The following TEC variants were observed in gnomAD, a reference collection of about 807,000 sequenced individuals.
TEC encodes tyrosine-protein kinase Tec.
A neutral mutation model predicts 93.0 loss-of-function variants in TEC; 72 were observed. The ratio of observed to expected loss-of-function variants is 0.77; its 90% CI spans 0.64 to 0.94. The LOEUF (loss-of-function observed/expected upper bound fraction) is 0.94, where lower values mean the gene tolerates loss of function less well. Ranked by LOEUF, TEC falls within the 40% of genes least tolerant of loss-of-function variation. The pLI, the probability that TEC is intolerant of heterozygous loss-of-function variation, is 0.00. For missense variants in TEC, 630 were observed against 757.9 expected (o/e 0.83, Z 1.98); for synonymous variants, 249 against 247.7 (o/e 1.01, Z -0.05).
At chr4:48,240,181 G>C (rs189231699) in intron 1 of TEC, among the ~76,000 whole-genome samples, 110 of 152,158 alleles carry the variant, frequency 7.2e-4, no homozygotes, top group African/African-American at 2.5e-3. Context: ...ATAAATACTA[G>C]GGGTTCCTTA....
chr4:48,255,208 T>C (rs764238973), intron 1 of TEC, among the ~76,000 whole-genome samples: 6 of 152,206 alleles, frequency 3.9e-5, no homozygotes, highest in Non-Finnish European at 8.8e-5. Context: ...TGCTTCTCAC[T>C]GCACGGTCCC....
chr4:48,231,972 G>A (rs1354209088), intron 1 of TEC, among the ~76,000 whole-genome samples: 4 of 152,086 alleles, frequency 2.6e-5, no homozygotes, highest in Non-Finnish European at 5.9e-5. Flanking sequence ...AAACATTCAT[G>A]TTGAATGTCC....
intron 2 of TEC, among the ~76,000 whole-genome samples, chr4:48,192,512 C>T (rs1240086334): frequency 6.6e-6 from 1 of 152,084 alleles, no homozygotes. Flanking sequence ...TGGAGCATAC[C>T]TGTATAATGC....
At chr4:48,209,521 G>C (rs754494252) in intron 2 of TEC, among the ~76,000 whole-genome samples, 8 of 152,182 alleles carry the variant, frequency 5.3e-5, no homozygotes, top group Admixed American at 1.3e-4. Flanking sequence ...GCTGAGGTGG[G>C]AGGATGGCCT....
chr4:48,193,522 C>A (rs1022724378), intron 2 of TEC, among the ~76,000 whole-genome samples: 1 of 152,146 alleles, frequency 6.6e-6, no homozygotes, highest in African/African-American at 2.4e-5. Context: ...CCATTACAAT[C>A]TTCAGAGATA....
chr4:48,203,216 T>A (rs1185693889), intron 2 of TEC, among the ~76,000 whole-genome samples: 1 of 151,782 alleles, frequency 6.6e-6, no homozygotes, highest in Non-Finnish European at 1.5e-5. Flanking sequence ...ATAGAAAAAA[T>A]TAGCTGGGTA....
chr4:48,243,680 T>C (rs1723978072), intron 1 of TEC, among the ~76,000 whole-genome samples: 1 of 152,172 alleles, frequency 6.6e-6, no homozygotes, highest in South Asian at 2.1e-4. Context: ...TACCATGTGA[T>C]CAGTGCTAGA....
intron 2 of TEC, among the ~76,000 whole-genome samples, chr4:48,185,899 G>A (rs1721815868): frequency 6.9e-6 from 1 of 145,416 alleles, no homozygotes; most frequent in South Asian, 2.3e-4. Flanking sequence ...TGCCACCAAA[G>A]TTGTGAAAGC....
intron 12 of TEC, among the ~76,000 whole-genome samples, chr4:48,146,016 C>G (rs993540787): frequency 1.3e-5 from 2 of 152,150 alleles, no homozygotes; most frequent in African/African-American, 4.8e-5. Context: ...GCTTTCTTAC[C>G]TCCATCCTTA....
intron 1 of TEC, among the ~76,000 whole-genome samples, chr4:48,242,838 G>A (rs987299858): frequency 7.2e-5 from 11 of 152,094 alleles, no homozygotes; most frequent in Non-Finnish European, 1.3e-4. Context: ...AATATATAAA[G>A]TGAGCCTCAT....
At chr4:48,266,564 A>G (rs553778427) in intron 1 of TEC, among the ~76,000 whole-genome samples, 16 of 152,318 alleles carry the variant, frequency 1.1e-4, no homozygotes, top group Non-Finnish European at 2.2e-4. Context: ...ATAAAAAGTT[A>G]TGTTTGGTCA....
At chr4:48,252,485 T>G (rs571102031) in intron 1 of TEC, among the ~76,000 whole-genome samples, 12 of 152,370 alleles carry the variant, frequency 7.9e-5, no homozygotes, top group African/African-American at 2.6e-4. Context: ...AGCTGGGTTC[T>G]GTCCCTGGTT....
intron 8 of TEC, among the ~76,000 whole-genome samples, chr4:48,159,230 G>A (rs1720522636): frequency 6.6e-6 from 1 of 152,140 alleles, no homozygotes. Flanking sequence ...AGGTATATTT[G>A]GCTCATGGTC....
Position 48,233,843 on chromosome 4 carries a change from A to C in TEC, c.-45-5184T>G, listed in dbSNP as rs78160132. Among the ~76,000 whole-genome samples, 14 of 152,054 alleles carry C rather than the reference A, an allele frequency of 9.2e-5. No homozygotes were observed. The East Asian group carries it at 2.3e-3, about 25-fold the overall frequency. On this transcript the variant is annotated intron_variant, in intron 1 of 17. Coordinates refer to ENST00000381501, the MANE Select transcript of TEC (RefSeq NM_003215.3). ...AAAAAAAAAAAAATTAAGACGCAGA[A>C]AACATAATGGAATTACAGAACTCAC...
chr4:48,265,507 ATATATATAT>A, intron 1 of TEC, among the ~76,000 whole-genome samples: 1 of 100,650 alleles, frequency 9.9e-6, no homozygotes, highest in African/African-American at 3.3e-5. Flanking sequence ...GTATATATAT[ATATATATAT>A]TTTTTTTTTT....
intron 8 of TEC, among the ~76,000 whole-genome samples, chr4:48,157,999 T>C (rs1466581157): frequency 6.6e-6 from 1 of 152,358 alleles, no homozygotes; most frequent in Admixed American, 6.5e-5. Flanking sequence ...CTTATTTTGT[T>C]AGATCCTTAC....
chr4:48,230,103 A>AATAATAAT (rs894425482), intron 1 of TEC, among the ~76,000 whole-genome samples: 10 of 118,266 alleles, frequency 8.5e-5, no homozygotes, highest in African/African-American at 3.1e-4. Context: ...TAATAATAAT[A>AATAATAAT]AATAAATAAC....
chr4:48,257,363 C>T (rs1295411586), intron 1 of TEC, among the ~76,000 whole-genome samples: 2 of 152,072 alleles, frequency 1.3e-5, no homozygotes, highest in East Asian at 3.8e-4. Context: ...GGGGTGATAT[C>T]CAGAGAAACT....
chr4:48,208,844 T>G (rs1722801382), intron 2 of TEC, among the ~76,000 whole-genome samples: 1 of 152,224 alleles, frequency 6.6e-6, no homozygotes. Flanking sequence ...AAGTAGGTGC[T>G]TAAAATATTT....
Sources: gnomAD v4.1 joint callset for allele counts (sites outside exome capture counted in the v4.1 genomes callset) on GRCh38, gnomAD v4.1.1 for gene constraint, MANE v1.5 for transcripts, NCBI Gene and HGNC (gene_info 2026-07-23, HGNC 2026-07-21) for gene names.